Variants in CNTNAP2 observed in about 807,000 individuals in gnomAD.
CNTNAP2 encodes contactin associated protein 2.
Under a neutral mutation model 155.2 loss-of-function variants are expected in CNTNAP2, and 98 were observed. The ratio of observed to expected loss-of-function variants is 0.63; its 90% CI spans 0.54 to 0.75. The LOEUF (loss-of-function observed/expected upper bound fraction) is 0.75. Among genes scored for constraint, CNTNAP2 ranks in the 30% least tolerant of loss-of-function variants. CNTNAP2 has a pLI of 0.00. For synonymous variants in CNTNAP2, 651 were observed against 631.2 expected, an observed-to-expected ratio of 1.03 and a Z score of -0.47; for missense variants, 1,727 against 1,688.1, an observed-to-expected ratio of 1.02 and a Z score of -0.40.
At chr7:147,195,438 T>G (rs1268145910) in intron 8 of CNTNAP2, among the ~76,000 whole-genome samples, 1 of 151,416 alleles carries the variant, frequency 6.6e-6, no homozygotes, top group Non-Finnish European at 1.5e-5. Context: ...TTTAAAATAG[T>G]TTTTTTTTCT....
At chr7:147,340,202 T>C (rs1014641414) in intron 9 of CNTNAP2, among the ~76,000 whole-genome samples, 9 of 152,152 alleles carry the variant, frequency 5.9e-5, no homozygotes, top group Non-Finnish European at 7.3e-5. Flanking sequence ...GTATACCCTG[T>C]CAAAGGGCAG....
chr7:148,147,862 G>A (rs1440179920), intron 17 of CNTNAP2, among the ~76,000 whole-genome samples, 153 bp downstream of exon 17: 1 of 152,104 alleles, frequency 6.6e-6, no homozygotes, highest in African/African-American at 2.4e-5. Flanking sequence ...CTTCAAGACA[G>A]AATGGAATAA....
chr7:147,409,145 C>T (rs919421578), intron 10 of CNTNAP2, among the ~76,000 whole-genome samples: 1 of 152,140 alleles, frequency 6.6e-6, no homozygotes, highest in African/African-American at 2.4e-5. Context: ...TAAGATTTTA[C>T]TGGGATCTGG....
intron 8 of CNTNAP2, among the ~76,000 whole-genome samples, chr7:147,140,279 T>C (rs1231706795): frequency 6.6e-6 from 1 of 151,996 alleles, no homozygotes; most frequent in Admixed American, 6.6e-5. Context: ...GAATCTCTAT[T>C]GCTGAACCTC....
intron 1 of CNTNAP2, among the ~76,000 whole-genome samples, chr7:146,763,803 T>C (rs760340238): frequency 5.9e-5 from 9 of 152,206 alleles, no homozygotes; most frequent in Non-Finnish European, 1.0e-4. Flanking sequence ...TAGACTACTT[T>C]TTTAGCCTAT....
intron 14 of CNTNAP2, among the ~76,000 whole-genome samples, chr7:147,949,087 G>A (rs1230586551): frequency 1.3e-5 from 2 of 151,796 alleles, no homozygotes; most frequent in African/African-American, 4.8e-5. Flanking sequence ...TGTAATCCCA[G>A]CTACTCAGGA....
chr7:148,023,124 C>T (rs917940523), intron 15 of CNTNAP2, among the ~76,000 whole-genome samples: 1 of 152,086 alleles, frequency 6.6e-6, no homozygotes, highest in Non-Finnish European at 1.5e-5. Flanking sequence ...TGAATTAAAC[C>T]GCAGCTCCCA....
At chr7:146,716,023 A>G (rs1469294486) in intron 1 of CNTNAP2, among the ~76,000 whole-genome samples, 1 of 152,210 alleles carries the variant, frequency 6.6e-6, no homozygotes, top group South Asian at 2.1e-4. Flanking sequence ...TAGGTCATTA[A>G]CATGCCGCCT....
intron 11 of CNTNAP2, among the ~76,000 whole-genome samples, chr7:147,506,020 T>C (rs1798899781): frequency 6.6e-6 from 1 of 152,152 alleles, no homozygotes; most frequent in Non-Finnish European, 1.5e-5. Flanking sequence ...TGAACAGTTG[T>C]AAAAGATAAT....
chr7:147,220,987 C>T (rs912797382), intron 8 of CNTNAP2, among the ~76,000 whole-genome samples: 1 of 152,154 alleles, frequency 6.6e-6, no homozygotes, highest in Non-Finnish European at 1.5e-5. Context: ...GCTGGGATTA[C>T]AGGCGTGATC....
At chr7:147,822,064 A>T (rs1332783375) in intron 13 of CNTNAP2, among the ~76,000 whole-genome samples, 1 of 152,134 alleles carries the variant, frequency 6.6e-6, no homozygotes, top group Non-Finnish European at 1.5e-5. Context: ...GAGGACAGAG[A>T]AACTGTCCGC....
chr7:147,033,174 A>G (rs1354637938), intron 3 of CNTNAP2, among the ~76,000 whole-genome samples: 25 of 47,496 alleles, frequency 5.3e-4, no homozygotes, highest in Middle Eastern at 7.5e-3. Context: ...ATATATATAT[A>G]TATATATATA....
At chr7:147,170,423 T>C (rs574155737) in intron 8 of CNTNAP2, among the ~76,000 whole-genome samples, 6 of 151,834 alleles carry the variant, frequency 4.0e-5, no homozygotes, top group African/African-American at 1.2e-4. Flanking sequence ...GCCGTGGCTT[T>C]GTTTGTTTGT....
chr7:147,259,559 G>A (rs975928065), intron 8 of CNTNAP2, among the ~76,000 whole-genome samples: 7 of 152,292 alleles, frequency 4.6e-5, no homozygotes, highest in Non-Finnish European at 8.8e-5. Flanking sequence ...TGTTTACACA[G>A]GGTGAAATTC....
intron 1 of CNTNAP2, among the ~76,000 whole-genome samples, chr7:146,132,668 T>C (rs1355405281): frequency 1.3e-5 from 2 of 151,270 alleles, no homozygotes; most frequent in East Asian, 3.9e-4. Flanking sequence ...ATGCGGTGTT[T>C]GGTTTTTTGT....
At chr7:147,856,515 T>A (rs1799042330) in intron 13 of CNTNAP2, among the ~76,000 whole-genome samples, 1 of 152,040 alleles carries the variant, frequency 6.6e-6, no homozygotes, top group Admixed American at 6.5e-5. Context: ...AGAGAGAAAA[T>A]GGTACCAAAG....
intron 3 of CNTNAP2, among the ~76,000 whole-genome samples, chr7:146,974,547 T>C (rs983703764): frequency 6.6e-6 from 1 of 152,238 alleles, no homozygotes; most frequent in African/African-American, 2.4e-5. Flanking sequence ...AAGTCAAAAT[T>C]ATTCTGAAAC....
intron 9 of CNTNAP2, among the ~76,000 whole-genome samples, chr7:147,313,345 T>G (rs867608485): frequency 6.6e-6 from 1 of 150,732 alleles, no homozygotes; most frequent in East Asian, 2.0e-4. Flanking sequence ...CCCATGCCTA[T>G]GTCCTGAATG....
At chr7:147,276,296 G>GT (rs1032439552) in intron 8 of CNTNAP2, among the ~76,000 whole-genome samples, 6 of 151,626 alleles carry the variant, frequency 4.0e-5, no homozygotes, top group Non-Finnish European at 8.8e-5. Context: ...AAATTCAGCT[G>GT]TGAGTCCATC....
Sources: allele counts gnomAD v4.1 joint callset (sites outside exome capture counted in the v4.1 genomes callset), GRCh38; gene constraint gnomAD v4.1.1; transcripts MANE v1.5; gene names NCBI Gene and HGNC (gene_info 2026-07-23, HGNC 2026-07-21).